Variants in CACNA1C observed in about 807,000 individuals in gnomAD.
The protein encoded by CACNA1C is calcium voltage-gated channel subunit alpha1 C, also known as voltage-dependent L-type calcium channel subunit alpha-1C.
A neutral mutation model predicts 229.0 loss-of-function variants in CACNA1C; 30 were observed. That is an observed-to-expected ratio of 0.13 (90% CI 0.10 to 0.18). The LOEUF is 0.18. CACNA1C is among the 10% of genes least tolerant of loss of function. The pLI, the probability that CACNA1C is intolerant of heterozygous loss-of-function variation, is 1.00. For missense variants in CACNA1C, 1,658 were observed against 2,845.0 expected (o/e 0.58, Z 9.49); for synonymous variants, 1,114 against 1,132.5 (o/e 0.98, Z 0.33).
intron 3 of CACNA1C, among the ~76,000 whole-genome samples, chr12:2,246,091 C>T (rs2073082609): frequency 6.6e-6 from 1 of 152,162 alleles, no homozygotes; most frequent in Non-Finnish European, 1.5e-5. Context: ...CACCACAAAG[C>T]ACCTGCCGTT....
Position 2,667,322 on chromosome 12 carries a change from G to GCTCCTTTTCTCCCTCCTCTCCACCA in CACNA1C, c.4623+540_4623+541insCTCCTTTTCTCCCTCCTCTCCACCA, listed in dbSNP as rs58423219. 1.4e-3 allele frequency among the ~76,000 whole-genome samples: 197 copies of GCTCCTTTTCTCCCTCCTCTCCACCA among 145,138 alleles called. 1 individual carries two copies. Among genetic ancestry groups the GCTCCTTTTCTCCCTCCTCTCCACCA allele is most frequent in the Non-Finnish European group, 2.1e-3 (142 of 67,788 alleles). ...CCCTCCTCTCCACCGTGGCCATTCCGTGCTCCTTGTTGGGGCAATAATGAG... is the reference window on the plus strand; with the variant it reads ...CCCTCCTCTCCACCGTGGCCATTCCGCTCCTTTTCTCCCTCCTCTCCACCATGCTCCTTGTTGGGGCAATAATGAG... On this transcript the variant is annotated intron_variant, in intron 37 of 46. Coordinates refer to ENST00000399655, the MANE Select transcript of CACNA1C (RefSeq NM_000719.7).
chr12:2,041,299 C>G (rs1262856294), intron 1 of CACNA1C, among the ~76,000 whole-genome samples: 13 of 80,262 alleles, frequency 1.6e-4, no homozygotes. Context: ...TTTTTTGAGA[C>G]GGAGTCTTGC....
At chr12:2,458,379 C>A (rs1036061081) in intron 5 of CACNA1C, among the ~76,000 whole-genome samples, 1 of 152,086 alleles carries the variant, frequency 6.6e-6, no homozygotes, top group Non-Finnish European at 1.5e-5. Flanking sequence ...AAGCCTGGCC[C>A]ATTATGGGTG....
chr12:2,154,496 C>T (rs1291000487), intron 3 of CACNA1C, among the ~76,000 whole-genome samples: 2 of 152,218 alleles, frequency 1.3e-5, no homozygotes, highest in Admixed American at 1.3e-4. Flanking sequence ...ATGAGGGAGA[C>T]TCCTCACCCG....
chr12:2,637,579 C>T (rs569778141), intron 30 of CACNA1C, among the ~76,000 whole-genome samples: 9 of 152,242 alleles, frequency 5.9e-5, no homozygotes, highest in African/African-American at 1.9e-4. Flanking sequence ...GGGCTCACAT[C>T]GCAGCCAGTG....
At chr12:2,505,349 G>T (rs1175953142) in intron 8 of CACNA1C, among the ~76,000 whole-genome samples, 3 of 152,088 alleles carry the variant, frequency 2.0e-5, no homozygotes, top group Non-Finnish European at 4.4e-5. Context: ...GTCTATCTCT[G>T]AGTTTCCTTT....
At chr12:2,205,103 A>G (rs937113699) in intron 3 of CACNA1C, among the ~76,000 whole-genome samples, 4 of 151,992 alleles carry the variant, frequency 2.6e-5, no homozygotes, top group Non-Finnish European at 5.9e-5. Context: ...TCTTCCACCC[A>G]CAGCAGTCCC....
intron 1 of CACNA1C, among the ~76,000 whole-genome samples, chr12:1,981,463 C>T (rs1196426237): frequency 6.6e-6 from 1 of 152,192 alleles, no homozygotes; most frequent in Non-Finnish European, 1.5e-5. Flanking sequence ...AAGGTGCCTG[C>T]ACTCTAACAG....
intron 1 of CACNA1C, among the ~76,000 whole-genome samples, chr12:2,046,836 A>G (rs2051155186): frequency 6.6e-6 from 1 of 152,136 alleles, no homozygotes; most frequent in Admixed American, 6.5e-5. Context: ...GGTCCATCCT[A>G]TGGCTTCTAG....
At chr12:2,124,102 T>A (rs1417636037) in intron 3 of CACNA1C, among the ~76,000 whole-genome samples, 2 of 123,200 alleles carry the variant, frequency 1.6e-5, no homozygotes, top group African/African-American at 6.3e-5. Flanking sequence ...CTTCCACTGG[T>A]CTAGCTCGTG....
At chr12:2,248,632 C>T (rs1413472617) in intron 3 of CACNA1C, among the ~76,000 whole-genome samples, 1 of 152,224 alleles carries the variant, frequency 6.6e-6, no homozygotes, top group African/African-American at 2.4e-5. Flanking sequence ...CAAGGCAGTG[C>T]ATCACGCTCC....
chr12:2,116,242 C>G (rs4765897), intron 2 of CACNA1C, among the ~76,000 whole-genome samples: 86,137 of 152,164 alleles, frequency 0.57, 26,934 homozygotes, highest in Non-Finnish European at 0.69. Context: ...TGGAAGTGTT[C>G]TGTTTGTCCA....
At chr12:2,367,551 ATG>A (rs2097757255) in intron 3 of CACNA1C, among the ~76,000 whole-genome samples, 1 of 152,264 alleles carries the variant, frequency 6.6e-6, no homozygotes, top group Non-Finnish European at 1.5e-5. Context: ...AAAACAGAAA[ATG>A]TATCCATATT....
intron 3 of CACNA1C, among the ~76,000 whole-genome samples, chr12:2,350,609 A>G (rs796721329): frequency 2.6e-5 from 4 of 152,332 alleles, no homozygotes; most frequent in African/African-American, 7.2e-5. Context: ...ATTGATGCCC[A>G]TGAACTGAAG....
At chr12:2,315,247 G>C (rs1337485982) in intron 3 of CACNA1C, among the ~76,000 whole-genome samples, 1 of 152,222 alleles carries the variant, frequency 6.6e-6, no homozygotes, top group East Asian at 1.9e-4. Flanking sequence ...TGTTTATCCA[G>C]AGGGTTTGGG....
At chr12:2,667,622 T>TACAA (rs929486429) in intron 37 of CACNA1C, among the ~76,000 whole-genome samples, 1 of 151,926 alleles carries the variant, frequency 6.6e-6, no homozygotes, top group Non-Finnish European at 1.5e-5. Context: ...AAATGCAAGG[T>TACAA]ACAAACACCA....
chr12:2,009,267 A>G (rs2429132), intron 1 of CACNA1C, among the ~76,000 whole-genome samples: 106,825 of 152,144 alleles, frequency 0.7, 38,351 homozygotes, highest in African/African-American at 0.86. Flanking sequence ...TTGGGTCTGG[A>G]ATTTTTATAC....
At chr12:2,025,090 C>G (rs1326291528) in intron 1 of CACNA1C, among the ~76,000 whole-genome samples, 1 of 152,198 alleles carries the variant, frequency 6.6e-6, no homozygotes, top group African/African-American at 2.4e-5. Context: ...TTAGCCTTCC[C>G]CACGGCCTCT....
rs542027941 is a variant in CACNA1C at position 1,971,521 on chromosome 12, T to C, written c.139+320T>C. Among the ~76,000 whole-genome samples the C allele has an allele frequency of 8.5e-5, 13 of 152,346 alleles. No individual in the cohort carries two copies. Among genetic ancestry groups the C allele is most frequent in the South Asian group, 2.1e-4 (1 of 4,834 alleles). Reference sequence around the variant, plus strand: ...AAGATCAAGGAGATCAAAATTTCCATATAGACTTCATGTCTGGATTTTTTA... The same window carrying C: ...AAGATCAAGGAGATCAAAATTTCCACATAGACTTCATGTCTGGATTTTTTA... On this transcript the variant is annotated intron_variant, in intron 1 of 46. Transcript: ENST00000682462. The surrounding 1 kb of genome is among the most constrained non-coding windows in gnomAD (Gnocchi z 4.2).
Sources: allele counts gnomAD v4.1 joint callset (sites outside exome capture counted in the v4.1 genomes callset), GRCh38; gene constraint gnomAD v4.1.1; non-coding constraint Gnocchi (gnomAD v3.1); transcripts MANE v1.5; gene names NCBI Gene and HGNC (gene_info 2026-07-23, HGNC 2026-07-21).